The following MORN5 variants were observed in gnomAD, a reference collection of about 807,000 sequenced individuals.
The protein encoded by MORN5 is MORN repeat-containing protein 5.
In MORN5, 21 loss-of-function variants were observed where a neutral mutation model predicts 22.1. The observed-to-expected ratio is 0.95, with a 90% CI of 0.67 to 1.37. The LOEUF (loss-of-function observed/expected upper bound fraction) is 1.37, where lower values mean the gene tolerates loss of function less well. MORN5 is among the 40% of genes most tolerant of loss of function. The pLI is 0.00. For missense variants in MORN5, 211 were observed against 215.1 expected (o/e 0.98, Z 0.12); for synonymous variants, 73 against 74.0 (o/e 0.99, Z 0.07).
intron 1 of MORN5, 74 bp downstream of exon 1, chr9:122,160,093 C>T: frequency 1.5e-6 from 2 of 1,378,478 alleles, no homozygotes; most frequent in Non-Finnish European, 2.0e-6. Flanking sequence ...TTTGCTTCTG[C>T]GAAACACCTT....
intron 3 of MORN5, among the ~76,000 whole-genome samples, chr9:122,170,013 A>G (rs1829342995): frequency 6.6e-6 from 1 of 152,202 alleles, no homozygotes; most frequent in Non-Finnish European, 1.5e-5. Context: ...AAATGGAGTC[A>G]ATCAGCTGGG....
chr9:122,199,814 G>A lies in MORN5; in HGVS notation c.440-71G>A, dbSNP rs375006110. ...CCATCCCAGTCCCAACGCCCCACCT[G>A]GGGAACCCCCCAGGCCAGGAAAGGT... On this transcript the variant is annotated intron_variant, in intron 4 of 4. Coordinates refer to ENST00000373764, the MANE Select transcript of MORN5 (RefSeq NM_198469.4). 2.5e-4 allele frequency: 379 copies of A among 1,534,300 alleles called. 1 individual carries two copies. Among genetic ancestry groups the A allele is most frequent in the Non-Finnish European group, 3.3e-4 (363 of 1,107,846 alleles).
At chr9:122,167,353 CTTTTTTTTTTTTTTT>C (rs61672512) in intron 2 of MORN5, among the ~76,000 whole-genome samples, 1 of 104,550 alleles carries the variant, frequency 9.6e-6, no homozygotes, top group Non-Finnish European at 1.9e-5. Flanking sequence ...CGCACCTGAC[CTTTTTTTTTTTTTTT>C]TTTTTTGAAA....
At chr9:122,172,221 C>CT (rs1203158435) in intron 3 of MORN5, among the ~76,000 whole-genome samples, 1 of 151,626 alleles carries the variant, frequency 6.6e-6, no homozygotes, top group African/African-American at 2.4e-5. Flanking sequence ...ACCTTCCCTC[C>CT]TTAACTTGGG....
intron 4 of MORN5, among the ~76,000 whole-genome samples, chr9:122,189,479 T>C (rs2118780386): frequency 6.6e-6 from 1 of 152,130 alleles, no homozygotes; most frequent in Non-Finnish European, 1.5e-5. Context: ...ACACCTGGAG[T>C]TCAGCTACTG....
chr9:122,187,900 T>G (rs1749572466), intron 4 of MORN5, among the ~76,000 whole-genome samples: 1 of 152,140 alleles, frequency 6.6e-6, no homozygotes, highest in Admixed American at 6.5e-5. Flanking sequence ...AGGTGGAGTT[T>G]GGCTAGGCCT....
At chr9:122,161,064 C>A (rs1464981859) in intron 1 of MORN5, among the ~76,000 whole-genome samples, 1 of 152,192 alleles carries the variant, frequency 6.6e-6, no homozygotes, top group African/African-American at 2.4e-5. Context: ...GGTGGCCACT[C>A]TTTTTTGCCA....
intron 4 of MORN5, chr9:122,175,047 T>A: frequency 4.5e-6 from 1 of 224,592 alleles, no homozygotes; most frequent in Non-Finnish European, 7.4e-6. Flanking sequence ...CAGTTAATTG[T>A]ATCATGGAAC....
At chr9:122,187,124 C>A (rs1289536635) in intron 4 of MORN5, among the ~76,000 whole-genome samples, 1 of 152,246 alleles carries the variant, frequency 6.6e-6, no homozygotes, top group Non-Finnish European at 1.5e-5. Context: ...CACACTCCAG[C>A]AAGAACAGCG....
chr9:122,164,580 A>G (rs1418854723), intron 1 of MORN5: 7 of 985,352 alleles, frequency 7.1e-6, no homozygotes, highest in Non-Finnish European at 8.4e-6. Flanking sequence ...GGGGAGGAGG[A>G]GATGAGTTCT....
At chr9:122,166,036 G>C (rs989517238) in intron 1 of MORN5, among the ~76,000 whole-genome samples, 16 of 152,244 alleles carry the variant, frequency 1.1e-4, no homozygotes, top group South Asian at 4.2e-4. Context: ...GGACGCAAAG[G>C]GGGAGCAAGG....
At chr9:122,166,290 A>ATATATATATATATATG (rs1829279571) in intron 1 of MORN5, among the ~76,000 whole-genome samples, 1 of 151,918 alleles carries the variant, frequency 6.6e-6, no homozygotes, top group African/African-American at 2.4e-5. Flanking sequence ...TTATATATAT[A>ATATATATATATATATG]TATAATGGTG....
chr9:122,167,433 A>G (rs562112123), intron 2 of MORN5, among the ~76,000 whole-genome samples: 53 of 144,124 alleles, frequency 3.7e-4, no homozygotes, highest in East Asian at 2.6e-3. Flanking sequence ...GCTCACCACA[A>G]CCTCTGCCTC....
chr9:122,176,059 A>G (rs758976247), intron 4 of MORN5, among the ~76,000 whole-genome samples: 6 of 149,266 alleles, frequency 4.0e-5, no homozygotes, highest in Non-Finnish European at 7.4e-5. Flanking sequence ...CGGAGCTTGC[A>G]GTGAGCCGAG....
chr9:122,186,885 C>T (rs1829648856), intron 4 of MORN5, among the ~76,000 whole-genome samples: 1 of 152,210 alleles, frequency 6.6e-6, no homozygotes, highest in South Asian at 2.1e-4. Context: ...GCACTGTTGA[C>T]TGAAACCCCT....
chr9:122,185,059 CT>C (rs555921322), intron 4 of MORN5, among the ~76,000 whole-genome samples: 2,613 of 150,644 alleles, frequency 0.017, 38 homozygotes, highest in South Asian at 0.064. Flanking sequence ...ACAAGTCTTT[CT>C]TTTTTTTTTC....
At chr9:122,174,968 G>A (rs2118757277) in intron 4 of MORN5, 1 of 762,254 alleles carries the variant, frequency 1.3e-6, no homozygotes, top group Non-Finnish European at 1.6e-6. Flanking sequence ...GAAAAGCAGA[G>A]CAAAGCTGGA....
chr9:122,193,221 T>A (rs1829810066), intron 4 of MORN5, among the ~76,000 whole-genome samples: 1 of 152,220 alleles, frequency 6.6e-6, no homozygotes, highest in African/African-American at 2.4e-5. Context: ...CAGCACACTA[T>A]GAACTTATAC....
intron 1 of MORN5, among the ~76,000 whole-genome samples, chr9:122,166,410 G>C (rs1829283209): frequency 6.6e-6 from 1 of 152,024 alleles, no homozygotes; most frequent in African/African-American, 2.4e-5. Context: ...AGAAATCACA[G>C]AACTAGCTGC....
Sources: allele counts gnomAD v4.1 joint callset (sites outside exome capture counted in the v4.1 genomes callset), GRCh38; gene constraint gnomAD v4.1.1; transcripts MANE v1.5; gene names NCBI Gene and HGNC (gene_info 2026-07-23, HGNC 2026-07-21).